The following RSRP1 variants were observed in gnomAD, a reference collection of about 807,000 sequenced individuals.
The protein encoded by RSRP1 is arginine/serine-rich protein 1.
In RSRP1, 37 loss-of-function variants were observed where a neutral mutation model predicts 33.0. The observed-to-expected ratio is 1.12, with a 90% confidence interval of 0.86 to 1.48. The LOEUF (loss-of-function observed/expected upper bound fraction) is 1.48. Ranked by LOEUF, RSRP1 falls within the 40% of genes most tolerant of loss-of-function variation. RSRP1 has a pLI of 0.00. For missense variants in RSRP1, 402 were observed against 385.3 expected (o/e 1.04, Z -0.36); for synonymous variants, 167 against 158.7 (o/e 1.05, Z -0.40).
At chr1:25,242,806 A>G (rs1638961931) in intron 4 of RSRP1, 101 bp from the exon 5 acceptor site, 1 of 843,538 alleles carries the variant, frequency 1.2e-6, no homozygotes, top group African/African-American at 1.7e-5. Context: ...CCTTAGAGAT[A>G]TTATCAATTG....
chr1:25,295,780 ATCT>A (rs1328418820), intron 1 of RSRP1, among the ~76,000 whole-genome samples: 1 of 107,908 alleles, frequency 9.3e-6, no homozygotes, highest in African/African-American at 3.1e-5. Flanking sequence ...GTGTGATGGC[ATCT>A]TCTTCAAGGG....
In RSRP1 at chr1:25,290,771, G is replaced by T; in HGVS notation, c.-66-43742C>A. On this transcript the variant is annotated intron_variant, in intron 1 of 1. Transcript: ENST00000561867. ...GACAGCTTTAGGCAACCTGAGGATGGTCATCAGTAATATCTTCAACGTGAG... is the reference window on the plus strand; with the variant it reads ...GACAGCTTTAGGCAACCTGAGGATGTTCATCAGTAATATCTTCAACGTGAG... The T allele has an allele frequency of 2.2e-6, 3 of 1,377,170 alleles. 1 individual carries two copies. Among genetic ancestry groups the T allele is most frequent in the Middle Eastern group, 3.6e-4 (2 of 5,494 alleles). The allele number at this position is 1,377,170 out of a possible 1,614,324, so 85.3% of individuals were successfully genotyped here. A position where few individuals can be genotyped will look rare whatever the true frequency, so the allele number is the denominator to read the frequency against.
intron 1 of RSRP1, among the ~76,000 whole-genome samples, chr1:25,293,447 A>C (rs1441264883): frequency 7.7e-6 from 1 of 130,170 alleles, no homozygotes. Context: ...ATAACAATTT[A>C]TTACTTATAG....
At chr1:25,312,017 G>T (rs1230791175) in intron 1 of RSRP1, among the ~76,000 whole-genome samples, 1 of 117,572 alleles carries the variant, frequency 8.5e-6, no homozygotes, top group East Asian at 2.0e-4. Context: ...TGCAATGCCA[G>T]CTTGGGAGAA....
chr1:25,310,450 TC>T (rs1397006793), intron 1 of RSRP1, among the ~76,000 whole-genome samples: 1 of 132,266 alleles, frequency 7.6e-6, no homozygotes, highest in Non-Finnish European at 1.8e-5. Context: ...CTTTTGGACT[TC>T]CCAGCCTCTA....
In RSRP1 at chr1:25,284,810, C is replaced by T. The variant is rs368027003; in HGVS notation, c.-66-37781G>A. On this transcript the variant is annotated intron_variant, in intron 1 of 1. Coordinates refer to the RSRP1 transcript ENST00000561867. The stretch of plus-strand genomic sequence containing the variant: ...TCTGGGTCATAGAGGGAATGGACCC[C>T]GAAAGGACAGGTTCCAGAAGATCTG... The T allele has an allele frequency of 4.1e-3, 5,458 of 1,339,170 alleles. 808 individuals are homozygous for T. The African/African-American group carries it at 0.065, about 16-fold the overall frequency. 83.0% of individuals were successfully genotyped at this position (1,339,170 alleles called of 1,614,324 possible).
chr1:25,301,455 C>T (rs533258873), intron 1 of RSRP1: 1 of 1,295,858 alleles, frequency 7.7e-7, no homozygotes, highest in African/African-American at 1.5e-5. Context: ...CATCCAAAAC[C>T]CCTCGAGGCT....
intron 1 of RSRP1, chr1:25,337,227 G>A (rs1039228408): frequency 6.6e-6 from 1 of 151,618 alleles, no homozygotes; most frequent in Non-Finnish European, 1.5e-5. Flanking sequence ...AGGCACCAAG[G>A]AGGGCTACCG....
In RSRP1 at chr1:25,271,585, T is replaced by A. The variant is rs900031453; in HGVS notation, c.-66-24556A>T. On this transcript the variant is annotated intron_variant, in intron 1 of 1. Coordinates refer to the RSRP1 transcript ENST00000561867. ...TCCTCCCTCTCTACATCCCTCTCTCTCTTCCTTCCTTCCTCGACACTTACC... is the reference window on the plus strand; with the variant it reads ...TCCTCCCTCTCTACATCCCTCTCTCACTTCCTTCCTTCCTCGACACTTACC... Among the ~76,000 whole-genome samples, 3 of 132,664 alleles carry A rather than the reference T, an allele frequency of 2.3e-5. 1 individual carries two copies. The highest frequency in any genetic ancestry group is 5.4e-5 in the Non-Finnish European group (3 of 55,808). The allele number at this position is 132,664 out of a possible 152,430, so 87.0% of individuals were successfully genotyped here.
chr1:25,251,806 A>G (rs965689535), upstream of RSRP1, among the ~76,000 whole-genome samples: 2 of 152,166 alleles, frequency 1.3e-5, no homozygotes, highest in African/African-American at 4.8e-5. Flanking sequence ...CTTCTTCCTC[A>G]TATCTTAGAG....
intron 1 of RSRP1, among the ~76,000 whole-genome samples, chr1:25,274,499 G>A (rs1269761801): frequency 2.3e-5 from 3 of 132,420 alleles, no homozygotes; most frequent in Non-Finnish European, 5.4e-5. Context: ...CACTTTATAC[G>A]GAAGCTCAGA....
intron 1 of RSRP1, among the ~76,000 whole-genome samples, chr1:25,254,458 CAG>C (rs1235080315): frequency 2.8e-4 from 13 of 46,998 alleles, no homozygotes; most frequent in Admixed American, 2.2e-3. Context: ...TGTTTTGAGA[CAG>C]AGTCTCACTC....
intron 1 of RSRP1, among the ~76,000 whole-genome samples, chr1:25,260,644 A>G (rs1444886250): frequency 6.6e-6 from 1 of 152,176 alleles, no homozygotes; most frequent in East Asian, 1.9e-4. Flanking sequence ...TAAACAACAG[A>G]AATTTATTTC....
At position 25,312,601 on chromosome 1, in the gene RSRP1, T is replaced by A. The variant is rs1644205461; in HGVS notation, c.-67+25377A>T. On this transcript the variant is annotated intron_variant, in intron 1 of 1. Transcript: ENST00000561867. ...TCTACAAAAAATAAAAATAAAAAAA[T>A]TAGCCAGGTATTGTGGCATATACCT... 1.6e-5 allele frequency among the ~76,000 whole-genome samples: 2 copies of A among 128,790 alleles called. 1 individual carries two copies. Among genetic ancestry groups the A allele is most frequent in the Admixed American group, 1.5e-4 (2 of 13,132 alleles). 84.5% of individuals were successfully genotyped at this position (128,790 alleles called of 152,430 possible).
Position 25,301,485 on chromosome 1 carries a change from T to C in RSRP1, c.-67+36493A>G, listed in dbSNP as rs772620987. 11 of 1,367,118 alleles carry C rather than the reference T, an allele frequency of 8.0e-6. 4 individuals are homozygous for C. The highest frequency in any genetic ancestry group is 1.1e-5 in the Non-Finnish European group (11 of 969,942). 84.7% of individuals were successfully genotyped at this position (1,367,118 alleles called of 1,614,324 possible). ...GAGGCTCAGACCTTTGGAGCAGGAG[T>C]GTGATTCTGGCCAACCACCCTCTCT... On this transcript the variant is annotated intron_variant, in intron 1 of 1. Coordinates refer to the RSRP1 transcript ENST00000561867.
rs1642698415 is a variant in RSRP1, at chr1:25,293,609, TC to T, written c.-67+44368del. ...CTTCAGAAGCACTCCAAGCGTTTCT[TC>T]CTAGGATTTAGAAATTTATAATATG... On this transcript the variant is annotated intron_variant, in intron 1 of 1. Transcript: ENST00000561867. Among the ~76,000 whole-genome samples, 2 of 131,194 alleles carry T rather than the reference TC, an allele frequency of 1.5e-5. 1 individual carries two copies. Among genetic ancestry groups the T allele is most frequent in the African/African-American group, 5.2e-5 (2 of 38,420 alleles). The allele number at this position is 131,194 out of a possible 152,430, so 86.1% of individuals were successfully genotyped here.
At chr1:25,260,367 C>T (rs779570279) in intron 1 of RSRP1, among the ~76,000 whole-genome samples, 1 of 152,182 alleles carries the variant, frequency 6.6e-6, no homozygotes, top group Non-Finnish European at 1.5e-5. Flanking sequence ...GACTTTTAAA[C>T]TATAAGCACT....
chr1:25,276,269 T>C (rs1640949107), intron 1 of RSRP1, among the ~76,000 whole-genome samples: 2 of 130,364 alleles, frequency 1.5e-5, no homozygotes, highest in African/African-American at 5.3e-5. Context: ...TTTGCTTTTA[T>C]GCCAGAAAAA....
chr1:25,245,352 T>A lies in RSRP1; in HGVS notation c.521-51A>T, dbSNP rs780899919. ...AAATACTCATTAATCTGGTAGTTATTTCCCAAGAGAACTCAGAATTACACA... is the reference window on the plus strand; with the variant it reads ...AAATACTCATTAATCTGGTAGTTATATCCCAAGAGAACTCAGAATTACACA... On this transcript the variant is annotated intron_variant, in intron 2 of 4. Transcript: ENST00000243189. The A allele has an allele frequency of 1.9e-5, 29 of 1,547,760 alleles. No homozygotes were observed. The South Asian group carries it at 3.4e-4, about 18-fold the overall frequency.
Sources: allele counts gnomAD v4.1 joint callset (sites outside exome capture counted in the v4.1 genomes callset), GRCh38; gene constraint gnomAD v4.1.1; transcripts MANE v1.5; gene names NCBI Gene and HGNC (gene_info 2026-07-23, HGNC 2026-07-21).